Variants in RAP1GDS1 observed in about 807,000 individuals in gnomAD.
RAP1GDS1 encodes the protein Rap1 GTPase-GDP dissociation stimulator 1, also known as RAP1, GTP-GDP dissociation stimulator 1.
RAP1GDS1 carries 35 observed loss-of-function variants against 71.1 expected under a neutral mutation model. The observed-to-expected ratio is 0.49, with a 90% CI of 0.38 to 0.65. The LOEUF (loss-of-function observed/expected upper bound fraction) is 0.65. RAP1GDS1 is among the 30% of genes least tolerant of loss of function. The pLI is 0.00. For missense variants in RAP1GDS1, 663 were observed against 706.1 expected, an observed-to-expected ratio of 0.94 and a Z score of 0.69; for synonymous variants, 229 against 243.1, an observed-to-expected ratio of 0.94 and a Z score of 0.54.
chr4:98,441,364 T>C, intron 14 of RAP1GDS1: 3 of 984,984 alleles, frequency 3.0e-6, no homozygotes, highest in Non-Finnish European at 3.6e-6. Context: ...ACAAAAAATC[T>C]AAAAGGGAGT....
At chr4:98,308,959 C>G (rs974782761) in intron 2 of RAP1GDS1, among the ~76,000 whole-genome samples, 1 of 151,996 alleles carries the variant, frequency 6.6e-6, no homozygotes, top group African/African-American at 2.4e-5. Flanking sequence ...CGTATTATAT[C>G]AGCCTTTAAA....
intron 2 of RAP1GDS1, among the ~76,000 whole-genome samples, chr4:98,313,274 A>T (rs193218279): frequency 1.1e-4 from 16 of 152,196 alleles, no homozygotes; most frequent in African/African-American, 3.9e-4. Flanking sequence ...TTCAACTGAT[A>T]GGGCACAATG....
intron 10 of RAP1GDS1, among the ~76,000 whole-genome samples, chr4:98,419,676 T>G (rs1045540392): frequency 6.6e-6 from 1 of 152,184 alleles, no homozygotes; most frequent in African/African-American, 2.4e-5. Context: ...ATTAACACAG[T>G]TGGATCAAAA....
At position 98,379,019 on chromosome 4, in the gene RAP1GDS1, G is replaced by C. The variant is rs1240118976; in HGVS notation, c.364G>C (p.Glu122Gln). The stretch of plus-strand genomic sequence containing the variant: ...TAATTTAACTCTTTGTTTTACAGAT[G>C]AGGGCAGAAGTGCAGTTGACCAAGC... ...ALGNICYDSH[E>Q]GRSAVDQAGG... The change falls in exon 5 of 15, where the codon GAG (glutamate) becomes CAG (glutamine). Residue 122 changes from glutamate to glutamine, a missense_variant and splice_region_variant. Transcript: ENST00000408927. The C allele has an allele frequency of 6.3e-7, 1 of 1,580,142 alleles. No homozygotes were observed. Among genetic ancestry groups the C allele is most frequent in the Non-Finnish European group, 8.6e-7 (1 of 1,166,192 alleles).
chr4:98,296,910 A>G (rs939869684), intron 2 of RAP1GDS1: 27 of 394,388 alleles, frequency 6.8e-5, no homozygotes, highest in Non-Finnish European at 1.3e-4. Context: ...ATTTTATTCC[A>G]TTTTGAGGAT....
chr4:98,321,671 G>A (rs1301488128), intron 2 of RAP1GDS1, among the ~76,000 whole-genome samples: 5 of 142,844 alleles, frequency 3.5e-5, no homozygotes, highest in Non-Finnish European at 7.7e-5. Context: ...GCCAAACTAA[G>A]CTTCATAAGT....
chr4:98,351,276 G>A (rs557072829), intron 3 of RAP1GDS1, among the ~76,000 whole-genome samples: 1 of 152,158 alleles, frequency 6.6e-6, no homozygotes, highest in Non-Finnish European at 1.5e-5. Flanking sequence ...TAGTGGTAGA[G>A]TAATAAGTAA....
intron 2 of RAP1GDS1, among the ~76,000 whole-genome samples, chr4:98,297,191 A>G (rs746967144): frequency 3.5e-4 from 54 of 152,230 alleles, no homozygotes; most frequent in Admixed American, 5.2e-4. Flanking sequence ...CTAATCTTCT[A>G]TGATAATATT....
At chr4:98,310,126 A>G (rs1181144381) in intron 2 of RAP1GDS1, among the ~76,000 whole-genome samples, 1 of 152,062 alleles carries the variant, frequency 6.6e-6, no homozygotes, top group African/African-American at 2.4e-5. Flanking sequence ...CAGTTATATC[A>G]TGCTTTGATG....
intron 2 of RAP1GDS1, among the ~76,000 whole-genome samples, chr4:98,330,438 G>A (rs1273613094): frequency 7.2e-4 from 109 of 150,840 alleles, no homozygotes; most frequent in African/African-American, 2.5e-3. Context: ...GGTCGCGGCC[G>A]GGCAGAGGCA....
intron 6 of RAP1GDS1, among the ~76,000 whole-genome samples, chr4:98,399,373 T>A (rs1205605197): frequency 6.6e-6 from 1 of 152,164 alleles, no homozygotes; most frequent in Admixed American, 6.5e-5. Flanking sequence ...CAGCAGGGTC[T>A]CACTCTGTCA....
chr4:98,330,975 G>A (rs528566132), intron 2 of RAP1GDS1, among the ~76,000 whole-genome samples: 195 of 152,284 alleles, frequency 1.3e-3, no homozygotes, highest in African/African-American at 3.9e-3. Context: ...GTAGCGAGCC[G>A]AGATCACGCC....
intron 4 of RAP1GDS1, among the ~76,000 whole-genome samples, chr4:98,370,188 A>G (rs1384142352): frequency 6.6e-6 from 1 of 152,214 alleles, no homozygotes; most frequent in Admixed American, 6.5e-5. Context: ...GAGCATTCAG[A>G]AAAGTGATAA....
chr4:98,287,403 GC>G (rs1726204784), intron 1 of RAP1GDS1, among the ~76,000 whole-genome samples: 1 of 152,066 alleles, frequency 6.6e-6, no homozygotes, highest in South Asian at 2.1e-4. Context: ...ATTCATATAA[GC>G]CCTTATATTT....
chr4:98,334,062 GT>G (rs938110738), intron 2 of RAP1GDS1, among the ~76,000 whole-genome samples: 1 of 152,048 alleles, frequency 6.6e-6, no homozygotes, highest in Admixed American at 6.5e-5. Context: ...ATTTATCAAA[GT>G]TTTTTTAAGT....
At chr4:98,331,666 T>C (rs1734035367) in intron 2 of RAP1GDS1, among the ~76,000 whole-genome samples, 1 of 152,194 alleles carries the variant, frequency 6.6e-6, no homozygotes, top group Non-Finnish European at 1.5e-5. Flanking sequence ...ATGTTTCTTA[T>C]TCAATTTATC....
chr4:98,364,365 A>C (rs1739176643), intron 4 of RAP1GDS1, among the ~76,000 whole-genome samples: 1 of 152,160 alleles, frequency 6.6e-6, no homozygotes, highest in Non-Finnish European at 1.5e-5. Context: ...AAAAAAACTG[A>C]GACCTGAAAA....
At chr4:98,419,697 G>A (rs189352179) in intron 10 of RAP1GDS1, among the ~76,000 whole-genome samples, 5 of 152,242 alleles carry the variant, frequency 3.3e-5, no homozygotes, top group East Asian at 1.9e-4. Context: ...ACGGAATTGT[G>A]CTTTTTGTTG....
intron 1 of RAP1GDS1, among the ~76,000 whole-genome samples, chr4:98,279,757 C>G (rs889378512): frequency 6.6e-6 from 1 of 152,038 alleles, no homozygotes; most frequent in Non-Finnish European, 1.5e-5. Context: ...TATCCCTTCC[C>G]CTGTCCCCAC....
Sources: gnomAD v4.1 joint callset for allele counts (sites outside exome capture counted in the v4.1 genomes callset) on GRCh38, gnomAD v4.1.1 for gene constraint, MANE v1.5 for transcripts, NCBI Gene and HGNC (gene_info 2026-07-23, HGNC 2026-07-21) for gene names.